The following LRRC4C variants were observed in gnomAD, a reference collection of about 807,000 sequenced individuals.
LRRC4C encodes leucine-rich repeat-containing protein 4C.
LRRC4C carries 5 observed loss-of-function variants against 33.6 expected under a neutral mutation model. The observed-to-expected ratio is 0.15, with a 90% CI of 0.08 to 0.31. The LOEUF (loss-of-function observed/expected upper bound fraction) is 0.31. Among genes scored for constraint, LRRC4C ranks in the 10% least tolerant of loss-of-function variants. The probability of loss-of-function intolerance (pLI) is 1.00; values close to 1 mark genes in which losing one functional copy is unlikely to be tolerated. For missense variants in LRRC4C, 560 were observed against 796.7 expected (o/e 0.70, Z 3.58); for synonymous variants, 329 against 302.0 (o/e 1.09, Z -0.93).
chr11:40,934,689 A>G (rs2136502293), intron 1 of LRRC4C, among the ~76,000 whole-genome samples: 1 of 152,154 alleles, frequency 6.6e-6, no homozygotes, highest in East Asian at 1.9e-4. Flanking sequence ...TGTAATAATA[A>G]TGGCTTATCT....
rs568114554 is a variant in LRRC4C, at chr11:40,975,959, T to C, written c.-495-42236A>G. ...TAGAGGTGTCTCATCAGGCATAGCC[T>C]TAGTTTCAAAAGGAAAAATAATAGT... On this transcript the variant is annotated intron_variant, in intron 1 of 6. Coordinates refer to ENST00000528697, the MANE Select transcript of LRRC4C (RefSeq NM_001258419.2). Among the ~76,000 whole-genome samples, 18 of 152,334 alleles carry C rather than the reference T, an allele frequency of 1.2e-4. No individual in the cohort carries two copies. In the South Asian group the frequency reaches 3.5e-3, roughly 30 times the overall value.
chr11:40,145,499 G>A (rs77746868), intron 5 of LRRC4C, among the ~76,000 whole-genome samples: 133 of 152,118 alleles, frequency 8.7e-4, no homozygotes, highest in African/African-American at 2.7e-3. Flanking sequence ...TTTGTGAAAG[G>A]GTAATTAAAA....
intron 2 of LRRC4C, among the ~76,000 whole-genome samples, chr11:40,702,023 AT>A (rs1945884247): frequency 6.6e-6 from 1 of 151,802 alleles, no homozygotes. Context: ...TTTTAAAAAA[AT>A]TTATTCCATT....
At chr11:40,950,456 G>A (rs1319807824) in intron 1 of LRRC4C, among the ~76,000 whole-genome samples, 1 of 151,746 alleles carries the variant, frequency 6.6e-6, no homozygotes, top group African/African-American at 2.4e-5. Context: ...AAATATATGT[G>A]CACCTGTGTT....
At chr11:41,036,575 G>A (rs1177170468) in intron 1 of LRRC4C, among the ~76,000 whole-genome samples, 1 of 152,120 alleles carries the variant, frequency 6.6e-6, no homozygotes, top group Non-Finnish European at 1.5e-5. Flanking sequence ...GTTTAAATTA[G>A]ATTTTTGTTT....
chr11:40,208,208 A>G (rs564640369), intron 5 of LRRC4C, among the ~76,000 whole-genome samples: 10 of 152,300 alleles, frequency 6.6e-5, no homozygotes, highest in Admixed American at 4.6e-4. Flanking sequence ...AATCAAGCAG[A>G]CGCTATACCA....
intron 1 of LRRC4C, among the ~76,000 whole-genome samples, chr11:41,216,434 T>G (rs1387896214): frequency 6.6e-6 from 1 of 151,434 alleles, no homozygotes; most frequent in Non-Finnish European, 1.5e-5. Flanking sequence ...AAAAATGACA[T>G]TTTTCTCTTT....
chr11:40,628,235 T>C (rs1341522996), intron 3 of LRRC4C, among the ~76,000 whole-genome samples: 1 of 152,030 alleles, frequency 6.6e-6, no homozygotes, highest in Non-Finnish European at 1.5e-5. Flanking sequence ...CCCAGCACTT[T>C]GGGAGGCCAA....
intron 5 of LRRC4C, among the ~76,000 whole-genome samples, chr11:40,239,951 C>A (rs1465172542): frequency 6.6e-6 from 1 of 152,158 alleles, no homozygotes; most frequent in Admixed American, 6.6e-5. Flanking sequence ...CACGTGCGAG[C>A]TTTTAAGAAA....
rs556487474 is a variant in LRRC4C, at chr11:40,216,273, AAT to A, written c.-96+25244_-96+25245del. 2.0e-5 allele frequency among the ~76,000 whole-genome samples: 3 copies of A among 152,214 alleles called. No individual in the cohort carries two copies. The East Asian group carries it at 5.8e-4, about 29-fold the overall frequency. On this transcript the variant is annotated intron_variant, in intron 5 of 6. Transcript: ENST00000528697. ...TCCTCTTGCATTTCTTCCATTTTTA[AAT>A]TTTAATATGTAACTGCTAAAGCTGT...
chr11:40,690,224 G>T (rs750388222), intron 2 of LRRC4C, among the ~76,000 whole-genome samples: 2 of 151,942 alleles, frequency 1.3e-5, no homozygotes, highest in Non-Finnish European at 2.9e-5. Context: ...AGTTTTTCAC[G>T]TACTTTATTA....
intron 3 of LRRC4C, among the ~76,000 whole-genome samples, chr11:40,609,520 C>T (rs6485206): frequency 0.5 from 75,859 of 151,174 alleles, 19,336 homozygotes; most frequent in East Asian, 0.74. Flanking sequence ...AATTTAAGTT[C>T]AAAGTTAAAA....
chr11:41,240,106 C>G (rs1395423467), intron 1 of LRRC4C, among the ~76,000 whole-genome samples: 1 of 152,120 alleles, frequency 6.6e-6, no homozygotes, highest in Non-Finnish European at 1.5e-5. Context: ...CTAACAAACT[C>G]CAGCTTCAAA....
chr11:40,719,435 A>G (rs1564973580), intron 2 of LRRC4C, among the ~76,000 whole-genome samples: 1 of 152,196 alleles, frequency 6.6e-6, no homozygotes, highest in Non-Finnish European at 1.5e-5. Flanking sequence ...TTTCCAAGCA[A>G]ACTTTTACTG....
intron 1 of LRRC4C, among the ~76,000 whole-genome samples, chr11:40,967,359 C>A (rs1444962685): frequency 6.6e-6 from 1 of 151,980 alleles, no homozygotes; most frequent in Non-Finnish European, 1.5e-5. Flanking sequence ...TTCCCCAAAG[C>A]CATAAGCATA....
intron 1 of LRRC4C, among the ~76,000 whole-genome samples, chr11:41,414,795 T>TC (rs557214267): frequency 1.8e-4 from 28 of 152,094 alleles, no homozygotes; most frequent in African/African-American, 5.3e-4. Flanking sequence ...GTCATTAGTC[T>TC]CCTAACTTTG....
intron 2 of LRRC4C, among the ~76,000 whole-genome samples, chr11:40,844,912 C>T (rs530263286): frequency 6.6e-6 from 1 of 152,122 alleles, no homozygotes; most frequent in Non-Finnish European, 1.5e-5. Flanking sequence ...TTGACTAAGC[C>T]ATTCCACAAT....
intron 1 of LRRC4C, among the ~76,000 whole-genome samples, chr11:41,105,015 C>T (rs570772082): frequency 7.9e-5 from 12 of 151,880 alleles, no homozygotes; most frequent in African/African-American, 2.9e-4. Flanking sequence ...TGGCGATGGA[C>T]ATATCACTGT....
At chr11:40,193,398 A>G (rs1204699289) in intron 5 of LRRC4C, among the ~76,000 whole-genome samples, 2 of 152,226 alleles carry the variant, frequency 1.3e-5, no homozygotes, top group Non-Finnish European at 2.9e-5. Flanking sequence ...AACAGAAAGC[A>G]ATAGTATCAA....
Sources: gnomAD v4.1 joint callset for allele counts (sites outside exome capture counted in the v4.1 genomes callset) on GRCh38, gnomAD v4.1.1 for gene constraint, MANE v1.5 for transcripts, NCBI Gene and HGNC (gene_info 2026-07-23, HGNC 2026-07-21) for gene names.